Variants in STPG2 observed in about 807,000 individuals in gnomAD.
STPG2 encodes the protein sperm tail PG-rich repeat containing 2.
In STPG2, 56 loss-of-function variants were observed where a neutral mutation model predicts 54.2. The observed-to-expected ratio is 1.03, with a 90% CI of 0.83 to 1.29. The LOEUF (loss-of-function observed/expected upper bound fraction) is 1.29. Among genes scored for constraint, STPG2 ranks in the 50% most tolerant of loss-of-function variants. STPG2 has a pLI of 0.00. For missense variants in STPG2, 596 were observed against 544.9 expected (o/e 1.09, Z -0.93); for synonymous variants, 200 against 181.8 (o/e 1.10, Z -0.81).
intron 8 of STPG2, among the ~76,000 whole-genome samples, chr4:97,868,059 T>A (rs559426920): frequency 6.6e-5 from 10 of 152,146 alleles, no homozygotes; most frequent in African/African-American, 2.4e-4. Context: ...TGAACTTTTT[T>A]AAAAACATTA....
At chr4:98,051,239 C>T (rs1331980195) in intron 5 of STPG2, among the ~76,000 whole-genome samples, 1 of 152,118 alleles carries the variant, frequency 6.6e-6, no homozygotes, top group Non-Finnish European at 1.5e-5. Context: ...ATGATCCTAA[C>T]AAAACTGAAG....
intron 9 of STPG2, among the ~76,000 whole-genome samples, chr4:97,796,275 C>T (rs1459328640): frequency 1.3e-5 from 2 of 152,176 alleles, no homozygotes; most frequent in Non-Finnish European, 2.9e-5. Context: ...AGTCCTTGCC[C>T]ATGCCTACGA....
intron 9 of STPG2, among the ~76,000 whole-genome samples, chr4:97,808,147 G>T (rs191790864): frequency 1.5e-3 from 230 of 152,084 alleles, no homozygotes; most frequent in African/African-American, 5.4e-3. Flanking sequence ...ACCTCAGACA[G>T]AGGGTAAATG....
chr4:98,127,618 A>G (rs1050711063), intron 3 of STPG2, among the ~76,000 whole-genome samples: 1 of 152,222 alleles, frequency 6.6e-6, no homozygotes, highest in Non-Finnish European at 1.5e-5. Flanking sequence ...AAGCACAAAA[A>G]TACCATAGGT....
chr4:98,092,730 C>A (rs1049035274), intron 5 of STPG2, among the ~76,000 whole-genome samples: 1 of 151,790 alleles, frequency 6.6e-6, no homozygotes, highest in African/African-American at 2.4e-5. Context: ...AAGAGAATAA[C>A]CTAGTCTATA....
intron 4 of STPG2, among the ~76,000 whole-genome samples, chr4:97,543,647 A>G (rs899006830): frequency 6.6e-6 from 1 of 152,158 alleles, no homozygotes; most frequent in African/African-American, 2.4e-5. Flanking sequence ...GCCTAGATTT[A>G]TGTGATAATC....
At chr4:98,064,702 A>G (rs1311062731) in intron 5 of STPG2, among the ~76,000 whole-genome samples, 1 of 152,236 alleles carries the variant, frequency 6.6e-6, no homozygotes, top group African/African-American at 2.4e-5. Context: ...CTTGCAAAAT[A>G]AATTCAGCGG....
chr4:97,880,576 T>A (rs1464239454), intron 8 of STPG2, among the ~76,000 whole-genome samples: 2 of 152,182 alleles, frequency 1.3e-5, no homozygotes, highest in African/African-American at 2.4e-5. Flanking sequence ...TAGATAATCC[T>A]ACATTAAAAA....
chr4:97,716,263 GT>G (rs1370425158), intron 9 of STPG2, among the ~76,000 whole-genome samples: 1 of 152,058 alleles, frequency 6.6e-6, no homozygotes, highest in Non-Finnish European at 1.5e-5. Context: ...GTGTCAATTA[GT>G]TCAACCATTG....
At chr4:97,873,426 T>A (rs1730061179) in intron 8 of STPG2, among the ~76,000 whole-genome samples, 1 of 151,494 alleles carries the variant, frequency 6.6e-6, no homozygotes, top group Non-Finnish European at 1.5e-5. Flanking sequence ...TTTATTTTAG[T>A]CTGAAAACAC....
At chr4:97,599,570 T>C (rs962761570) in intron 10 of STPG2, among the ~76,000 whole-genome samples, 2 of 152,012 alleles carry the variant, frequency 1.3e-5, no homozygotes, top group Non-Finnish European at 2.9e-5. Flanking sequence ...ATGCCTGTAA[T>C]CCCAGCACTT....
At chr4:97,703,169 T>C (rs933718946) in intron 10 of STPG2, among the ~76,000 whole-genome samples, 3 of 151,970 alleles carry the variant, frequency 2.0e-5, no homozygotes, top group Non-Finnish European at 4.4e-5. Context: ...TGCATTTATT[T>C]TGCACAGCTC....
intron 4 of STPG2, among the ~76,000 whole-genome samples, chr4:97,458,618 AT>A (rs1461913511): frequency 2.0e-5 from 3 of 152,136 alleles, no homozygotes; most frequent in Non-Finnish European, 2.9e-5. Context: ...AACTAAATAT[AT>A]TTTTCCCCTG....
Position 97,662,521 on chromosome 4 carries a change from A to G in STPG2, c.1320+50178T>C, listed in dbSNP as rs374980515. 4.1e-3 allele frequency among the ~76,000 whole-genome samples: 629 copies of G among 152,322 alleles called. 3 individuals are homozygous for G. The highest frequency in any genetic ancestry group is 0.02 in the South Asian group (98 of 4,832). ...CAATCTGATTATTGGTATACACCCA[A>G]AGAAAAATAAATCATTCTACCAAAA... On this transcript the variant is annotated intron_variant, in intron 10 of 10. Coordinates refer to ENST00000295268, the MANE Select transcript of STPG2 (RefSeq NM_174952.3).
At chr4:97,695,672 C>A (rs904346636) in intron 10 of STPG2, among the ~76,000 whole-genome samples, 5 of 151,332 alleles carry the variant, frequency 3.3e-5, no homozygotes, top group African/African-American at 1.2e-4. Context: ...CATCAATGTA[C>A]ACAAATCAGT....
chr4:98,076,107 G>A (rs1182732588), intron 5 of STPG2, among the ~76,000 whole-genome samples: 1 of 152,068 alleles, frequency 6.6e-6, no homozygotes, highest in East Asian at 1.9e-4. Flanking sequence ...AGCCAGGCGT[G>A]GTGGCGGGCG....
At chr4:97,650,219 T>G (rs1387682872) in intron 10 of STPG2, among the ~76,000 whole-genome samples, 2 of 152,180 alleles carry the variant, frequency 1.3e-5, no homozygotes. Flanking sequence ...CCTCCTGCTA[T>G]GCAGCCTGTC....
intron 8 of STPG2, among the ~76,000 whole-genome samples, chr4:97,928,915 T>A (rs759461858): frequency 6.6e-6 from 1 of 152,132 alleles, no homozygotes; most frequent in Non-Finnish European, 1.5e-5. Context: ...TGGGGGTCCA[T>A]GTGAAGGTTT....
chr4:97,673,018 G>A (rs547823721), intron 10 of STPG2, among the ~76,000 whole-genome samples: 2 of 152,216 alleles, frequency 1.3e-5, no homozygotes, highest in African/African-American at 2.4e-5. Flanking sequence ...ACATCCTAAT[G>A]TCTGAGAGAA....
Sources: allele counts gnomAD v4.1 joint callset (sites outside exome capture counted in the v4.1 genomes callset), GRCh38; gene constraint gnomAD v4.1.1; transcripts MANE v1.5; gene names NCBI Gene and HGNC (gene_info 2026-07-23, HGNC 2026-07-21).